The following PMFBP1 variants were observed in gnomAD, a reference collection of about 807,000 sequenced individuals.
PMFBP1 encodes the protein polyamine-modulated factor 1-binding protein 1.
Under a neutral mutation model 137.8 loss-of-function variants are expected in PMFBP1, and 131 were observed. The observed-to-expected ratio is 0.95, with a 90% confidence interval of 0.82 to 1.10. The LOEUF (loss-of-function observed/expected upper bound fraction) is 1.10. Ranked by LOEUF, PMFBP1 falls within the 50% of genes least tolerant of loss-of-function variation. PMFBP1 has a pLI of 0.00. For missense variants in PMFBP1, 1,199 were observed against 1,175.4 expected, an observed-to-expected ratio of 1.02 and a Z score of -0.29; for synonymous variants, 490 against 450.4, an observed-to-expected ratio of 1.09 and a Z score of -1.11.
At chr16:72,208,252 T>C in the PMFBP1 span, among the ~76,000 whole-genome samples, 2 of 152,202 alleles carry the variant, frequency 1.3e-5, no homozygotes, top group Non-Finnish European at 2.9e-5. Flanking sequence ...TGAAGTTAGC[T>C]TGTGGAAGGC....
At chr16:72,152,777 G>A (rs537741302) in intron 4 of PMFBP1, among the ~76,000 whole-genome samples, 43 of 151,342 alleles carry the variant, frequency 2.8e-4, no homozygotes, top group African/African-American at 8.5e-4. Context: ...CTTGGGAGGC[G>A]GAGGTTGCAG....
At chr16:72,199,097 C>A in the PMFBP1 span, among the ~76,000 whole-genome samples, 37,682 of 152,120 alleles carry the variant, frequency 0.25, 6,773 homozygotes, top group African/African-American at 0.51. Flanking sequence ...GGAACTAGGA[C>A]GCATGCTTCC....
the PMFBP1 span, among the ~76,000 whole-genome samples, chr16:72,197,448 T>A: frequency 6.6e-6 from 1 of 152,176 alleles, no homozygotes; most frequent in Non-Finnish European, 1.5e-5. Flanking sequence ...CCAGCAGGCA[T>A]ATACACACTT....
intron 5 of PMFBP1, among the ~76,000 whole-genome samples, chr16:72,146,141 C>T (rs954492930): frequency 1.3e-5 from 2 of 152,174 alleles, no homozygotes; most frequent in African/African-American, 2.4e-5. Flanking sequence ...TACTGGCAAA[C>T]CGAATCCAGC....
chr16:72,132,507 A>T (rs565055312), intron 10 of PMFBP1, among the ~76,000 whole-genome samples: 11 of 152,298 alleles, frequency 7.2e-5, no homozygotes, highest in Admixed American at 4.6e-4. Context: ...TTCAGGCAAG[A>T]CTGCTGGGAG....
chr16:72,234,102 G>A, the PMFBP1 span, among the ~76,000 whole-genome samples: 1 of 152,088 alleles, frequency 6.6e-6, no homozygotes, highest in African/African-American at 2.4e-5. Flanking sequence ...ACCTAGGAGT[G>A]GAATTACTGG....
At chr16:72,225,328 C>T in the PMFBP1 span, among the ~76,000 whole-genome samples, 4 of 152,126 alleles carry the variant, frequency 2.6e-5, no homozygotes, top group Admixed American at 6.5e-5. Flanking sequence ...TTCACTTAGT[C>T]TCCGAGGTCA....
At chr16:72,164,190 G>A (rs1005975378) in intron 3 of PMFBP1, among the ~76,000 whole-genome samples, 1 of 152,136 alleles carries the variant, frequency 6.6e-6, no homozygotes, top group Non-Finnish European at 1.5e-5. Context: ...AAGGAAGGTG[G>A]GAGATGTAAT....
upstream of PMFBP1, among the ~76,000 whole-genome samples, chr16:72,178,794 T>G (rs747348425): frequency 2.6e-5 from 4 of 152,142 alleles, no homozygotes; most frequent in East Asian, 7.7e-4. Flanking sequence ...CTTCATGGAG[T>G]CAGGGCTCAC....
chr16:72,154,289 G>A lies in PMFBP1; in HGVS notation c.336C>T (p.Arg112=), dbSNP rs375350329. The change falls in exon 4 of 21, where the codon CGC becomes CGT. Residue 112 remains arginine (R), a synonymous_variant. Transcript: ENST00000237353. ...GCTTCTCTAGGATGGACTGATACTG[G>A]CGGAGAGAATAGTAAGAAGTCTGCA... ...EELQTSYYSL[R]QYQSILEKQT... 1 of 1,614,112 alleles carries A rather than the reference G, an allele frequency of 6.2e-7. No homozygotes were observed. The highest frequency in any genetic ancestry group is 1.3e-5 in the African/African-American group (1 of 75,022).
chr16:72,123,037 C>G, intron 18 of PMFBP1, 49 bp from the exon 19 acceptor site: 1 of 1,541,018 alleles, frequency 6.5e-7, no homozygotes, highest in Non-Finnish European at 8.9e-7. Flanking sequence ...CAGCCTCCCG[C>G]GAGCAAGGGT....
chr16:72,154,828 G>C (rs918752800), intron 3 of PMFBP1, among the ~76,000 whole-genome samples: 7 of 152,260 alleles, frequency 4.6e-5, no homozygotes, highest in African/African-American at 1.7e-4. Flanking sequence ...TGGATTTCTG[G>C]CCTTGGTTCT....
At chr16:72,158,746 C>A (rs2043018824) in intron 3 of PMFBP1, among the ~76,000 whole-genome samples, 1 of 152,142 alleles carries the variant, frequency 6.6e-6, no homozygotes, top group Non-Finnish European at 1.5e-5. Flanking sequence ...ATAATCCCAG[C>A]ACTTTGGGAG....
At chr16:72,144,684 T>C (rs1197601178) in intron 5 of PMFBP1, among the ~76,000 whole-genome samples, 2 of 152,124 alleles carry the variant, frequency 1.3e-5, no homozygotes, top group Admixed American at 1.3e-4. Flanking sequence ...TACAATAAAC[T>C]TTTATAATCC....
the PMFBP1 span, among the ~76,000 whole-genome samples, chr16:72,211,314 G>C: frequency 6.6e-6 from 1 of 152,120 alleles, no homozygotes; most frequent in Non-Finnish European, 1.5e-5. Flanking sequence ...CAGAGGCAAG[G>C]CATCTGTCCC....
the PMFBP1 span, among the ~76,000 whole-genome samples, chr16:72,219,597 G>T: frequency 6.6e-6 from 1 of 152,116 alleles, no homozygotes. Context: ...GTGAGGAGAT[G>T]TGTACTCAGT....
chr16:72,244,626 T>A, the PMFBP1 span, among the ~76,000 whole-genome samples: 2 of 152,212 alleles, frequency 1.3e-5, no homozygotes, highest in Admixed American at 1.3e-4. Flanking sequence ...TCTAAAGATT[T>A]CTTTTCCTCC....
intron 2 of PMFBP1, among the ~76,000 whole-genome samples, chr16:72,165,651 C>T (rs189643047): frequency 6.6e-6 from 1 of 152,152 alleles, no homozygotes; most frequent in East Asian, 1.9e-4. Flanking sequence ...ATCTCCTGAC[C>T]TCGTGATGTG....
chr16:72,242,887 G>A, the PMFBP1 span, among the ~76,000 whole-genome samples: 2 of 152,208 alleles, frequency 1.3e-5, no homozygotes, highest in African/African-American at 2.4e-5. Flanking sequence ...CAAAGGGGAG[G>A]AGGGAACTGG....
Sources: allele counts gnomAD v4.1 joint callset (sites outside exome capture counted in the v4.1 genomes callset), GRCh38; gene constraint gnomAD v4.1.1; transcripts MANE v1.5; gene names NCBI Gene and HGNC (gene_info 2026-07-23, HGNC 2026-07-21).